ATP9B: variants seen among roughly 807,000 people sequenced by gnomAD.
ATP9B encodes probable phospholipid-transporting ATPase IIB.
In ATP9B, 110 loss-of-function variants were observed where a neutral mutation model predicts 146.1. The observed-to-expected ratio is 0.75, with a 90% confidence interval of 0.65 to 0.88. The LOEUF (loss-of-function observed/expected upper bound fraction) is 0.88, where lower values mean the gene tolerates loss of function less well. ATP9B is among the 40% of genes least tolerant of loss of function. ATP9B has a pLI of 0.00. For synonymous variants in ATP9B, 604 were observed against 569.7 expected (o/e 1.06, Z -0.86); for missense variants, 1,499 against 1,496.4 (o/e 1.00, Z -0.03).
intron 26 of ATP9B, among the ~76,000 whole-genome samples, chr18:79,365,313 G>T (rs1020900173): frequency 6.6e-6 from 1 of 152,090 alleles, no homozygotes; most frequent in African/African-American, 2.4e-5. Context: ...GAGATGCCGT[G>T]TACCCACCCG....
intron 1 of ATP9B, among the ~76,000 whole-genome samples, chr18:79,086,815 G>A (rs1172544978): frequency 6.6e-6 from 1 of 152,222 alleles, no homozygotes; most frequent in Non-Finnish European, 1.5e-5. Flanking sequence ...TGGGGGAAAT[G>A]ACATCTCAGC....
chr18:79,235,828 T>A (rs2095836805), intron 11 of ATP9B, among the ~76,000 whole-genome samples: 1 of 152,048 alleles, frequency 6.6e-6, no homozygotes, highest in South Asian at 2.1e-4. Flanking sequence ...TCGTTGTGTG[T>A]CACAGCACAT....
intron 1 of ATP9B, among the ~76,000 whole-genome samples, chr18:79,070,921 TG>T (rs1309974276): frequency 6.6e-6 from 1 of 152,240 alleles, no homozygotes; most frequent in Non-Finnish European, 1.5e-5. Flanking sequence ...TTATCAACTA[TG>T]CCATTCTCTT....
At chr18:79,170,914 C>T (rs67187552) in intron 7 of ATP9B, among the ~76,000 whole-genome samples, 38,035 of 152,158 alleles carry the variant, frequency 0.25, 5,092 homozygotes, top group East Asian at 0.5. Context: ...GCTTTCAAAA[C>T]TTGGAGGAAA....
intron 3 of ATP9B, among the ~76,000 whole-genome samples, chr18:79,111,423 T>C (rs2075998236): frequency 6.6e-6 from 1 of 151,922 alleles, no homozygotes; most frequent in East Asian, 1.9e-4. Context: ...ACCTAGTGAT[T>C]GGCAAATACT....
At chr18:79,191,900 G>A (rs2095370349) in intron 8 of ATP9B, among the ~76,000 whole-genome samples, 2 of 152,202 alleles carry the variant, frequency 1.3e-5, no homozygotes, top group South Asian at 4.2e-4. Flanking sequence ...ATGATTCATT[G>A]TAGAGAGGCA....
At chr18:79,146,340 G>C (rs1369447076) in intron 6 of ATP9B, 11 of 163,594 alleles carry the variant, frequency 6.7e-5, no homozygotes, top group Non-Finnish European at 9.6e-5. Context: ...GCGGTGTGCA[G>C]AGTGACTGAA....
chr18:79,242,820 T>C (rs2095902517), intron 11 of ATP9B, among the ~76,000 whole-genome samples: 3 of 152,170 alleles, frequency 2.0e-5, no homozygotes, highest in Admixed American at 2.0e-4. Context: ...ACACAAAAAT[T>C]TTAGATGGTT....
chr18:79,180,539 A>G (rs1312779497), intron 8 of ATP9B, among the ~76,000 whole-genome samples: 1 of 152,046 alleles, frequency 6.6e-6, no homozygotes, highest in African/African-American at 2.4e-5. Context: ...TGCACCGTGC[A>G]TTACTGTTTT....
At chr18:79,128,598 T>C (rs936201192) in intron 5 of ATP9B, among the ~76,000 whole-genome samples, 2 of 152,198 alleles carry the variant, frequency 1.3e-5, no homozygotes, top group African/African-American at 4.8e-5. Context: ...CCCGGTAAAT[T>C]GTGTATAACT....
chr18:79,202,740 C>T (rs1414198405), intron 9 of ATP9B, among the ~76,000 whole-genome samples: 4 of 152,120 alleles, frequency 2.6e-5, no homozygotes, highest in African/African-American at 7.2e-5. Flanking sequence ...AGTCAATCAT[C>T]GCCATTCCAG....
chr18:79,076,211 G>A (rs1230043195), intron 1 of ATP9B, among the ~76,000 whole-genome samples: 1 of 152,116 alleles, frequency 6.6e-6, no homozygotes, highest in African/African-American at 2.4e-5. Context: ...ATATTCAAGA[G>A]GCAAAGGAAA....
chr18:79,099,822 T>G (rs1453443626), intron 2 of ATP9B, among the ~76,000 whole-genome samples: 1 of 152,004 alleles, frequency 6.6e-6, no homozygotes, highest in Non-Finnish European at 1.5e-5. Context: ...GGCCATTGAA[T>G]ATACTTATAA....
intron 10 of ATP9B, among the ~76,000 whole-genome samples, chr18:79,213,359 C>A (rs1007625757): frequency 2.6e-5 from 4 of 151,946 alleles, no homozygotes; most frequent in East Asian, 1.9e-4. Flanking sequence ...TTTTATTATT[C>A]TTTTCTCTTA....
Position 79,320,703 on chromosome 18 carries a change from C to G in ATP9B, c.1774-8438C>G, listed in dbSNP as rs181445778. Among the ~76,000 whole-genome samples the G allele has an allele frequency of 2.3e-3, 348 of 152,260 alleles. 1 individual carries two copies. The highest frequency in any genetic ancestry group is 7.5e-3 in the African/African-American group (311 of 41,556). Reference sequence around the variant, plus strand: ...GGCTGGCCATGCAGAACTCCCACCCCCCTCCAGCCCTCGTTGCTTGTAGAA... The same window carrying G: ...GGCTGGCCATGCAGAACTCCCACCCGCCTCCAGCCCTCGTTGCTTGTAGAA... On this transcript the variant is annotated intron_variant, in intron 15 of 29. Transcript: ENST00000426216.
At chr18:79,238,677 G>A (rs564366805) in intron 11 of ATP9B, among the ~76,000 whole-genome samples, 4 of 152,286 alleles carry the variant, frequency 2.6e-5, no homozygotes, top group African/African-American at 9.6e-5. Context: ...GGCCTGTCCT[G>A]GGCCCTGGAT....
At chr18:79,312,130 C>CT (rs2096656039) in intron 15 of ATP9B, among the ~76,000 whole-genome samples, 1 of 152,190 alleles carries the variant, frequency 6.6e-6, no homozygotes, top group Admixed American at 6.5e-5. Context: ...ACAAAGGTGC[C>CT]TTCGCGGAGG....
At chr18:79,131,479 C>A (rs2094377452) in intron 5 of ATP9B, among the ~76,000 whole-genome samples, 1 of 152,166 alleles carries the variant, frequency 6.6e-6, no homozygotes, top group Non-Finnish European at 1.5e-5. Flanking sequence ...TGAGACATCA[C>A]CATACACCAC....
chr18:79,303,674 G>A lies in ATP9B; in HGVS notation c.1482G>A (p.Thr494=), dbSNP rs762673958. 2.0e-5 allele frequency: 32 copies of A among 1,613,956 alleles called. No individual in the cohort carries two copies. The highest frequency in any genetic ancestry group is 1.6e-4 in the Middle Eastern group (1 of 6,084). ...HLGTVSYGAD[T]MDEIQSHVRD... Reference sequence around the variant, plus strand: ...GCACCGTGTCCTATGGCGCCGACACGATGGATGAGATCCAGAGCCATGTCA... The same window carrying A: ...GCACCGTGTCCTATGGCGCCGACACAATGGATGAGATCCAGAGCCATGTCA... Residue 494 remains threonine (T), a synonymous_variant, in exon 14 of 30, where the codon ACG becomes ACA. Transcript: ENST00000426216.
Sources: allele counts gnomAD v4.1 joint callset (sites outside exome capture counted in the v4.1 genomes callset), GRCh38; gene constraint gnomAD v4.1.1; transcripts MANE v1.5; gene names NCBI Gene and HGNC (gene_info 2026-07-23, HGNC 2026-07-21).